The following TMEM132D variants were observed in gnomAD, a reference collection of about 807,000 sequenced individuals.
The protein encoded by TMEM132D is mature OL transmembrane protein.
A neutral mutation model predicts 62.3 loss-of-function variants in TMEM132D; 21 were observed. The observed-to-expected ratio is 0.34, with a 90% CI of 0.24 to 0.49. The LOEUF (loss-of-function observed/expected upper bound fraction) is 0.49, where lower values mean the gene tolerates loss of function less well. TMEM132D is among the 20% of genes least tolerant of loss of function. The pLI, the probability that TMEM132D is intolerant of heterozygous loss-of-function variation, is 0.99. For synonymous variants in TMEM132D, 621 were observed against 575.6 expected (o/e 1.08, Z -1.13); for missense variants, 1,346 against 1,402.8 (o/e 0.96, Z 0.65).
At chr12:129,329,837 G>C (rs557637132) in intron 4 of TMEM132D, among the ~76,000 whole-genome samples, 23 of 152,248 alleles carry the variant, frequency 1.5e-4, no homozygotes, top group African/African-American at 5.3e-4. Flanking sequence ...TGTGCCAGGA[G>C]AATACATCCC....
chr12:129,189,525 G>T (rs1317639915), intron 5 of TMEM132D, among the ~76,000 whole-genome samples: 3 of 152,122 alleles, frequency 2.0e-5, no homozygotes, highest in Non-Finnish European at 4.4e-5. Flanking sequence ...TGTGAGGGCT[G>T]CTGTGGCCTG....
intron 4 of TMEM132D, among the ~76,000 whole-genome samples, chr12:129,306,743 A>G (rs1881854620): frequency 6.6e-6 from 1 of 152,212 alleles, no homozygotes; most frequent in South Asian, 2.1e-4. Context: ...TACAAAGTCA[A>G]TAATATTCAA....
chr12:129,075,233 T>G (rs927097340), intron 8 of TMEM132D, among the ~76,000 whole-genome samples, 174 bp from the exon 9 acceptor site: 1 of 150,776 alleles, frequency 6.6e-6, no homozygotes, highest in Non-Finnish European at 1.5e-5. Flanking sequence ...GAAAATGAAT[T>G]CTCACAAAGA....
intron 3 of TMEM132D, among the ~76,000 whole-genome samples, chr12:129,451,201 G>A (rs1873277705): frequency 6.6e-6 from 1 of 152,100 alleles, no homozygotes. Flanking sequence ...GTGAAGCTTG[G>A]CTAAGGTAAA....
intron 3 of TMEM132D, among the ~76,000 whole-genome samples, chr12:129,475,418 A>G (rs1566081929): frequency 6.6e-6 from 1 of 152,198 alleles, no homozygotes; most frequent in Non-Finnish European, 1.5e-5. Flanking sequence ...CTCCTTCCAC[A>G]AACTGTTTCC....
chr12:129,102,620 G>A (rs1056055654), intron 5 of TMEM132D, among the ~76,000 whole-genome samples: 1 of 152,132 alleles, frequency 6.6e-6, no homozygotes, highest in Non-Finnish European at 1.5e-5. Context: ...ATCTCTAAAT[G>A]GACTGATGTT....
At chr12:129,898,141 A>C in intron 1 of TMEM132D, among the ~76,000 whole-genome samples, 1 of 152,212 alleles carries the variant, frequency 6.6e-6, no homozygotes, top group African/African-American at 2.4e-5. Flanking sequence ...TCAAAACATT[A>C]GCTGGTATTA....
intron 1 of TMEM132D, among the ~76,000 whole-genome samples, chr12:129,862,712 T>C (rs1260996969): frequency 6.6e-6 from 1 of 152,114 alleles, no homozygotes; most frequent in Admixed American, 6.5e-5. Flanking sequence ...CAAGTATAAG[T>C]AGAGAATGAG....
intron 4 of TMEM132D, among the ~76,000 whole-genome samples, chr12:129,323,197 C>T (rs1327819475): frequency 6.6e-6 from 1 of 152,128 alleles, no homozygotes; most frequent in Non-Finnish European, 1.5e-5. Flanking sequence ...ACCCATAAGG[C>T]ATTAAAATGT....
At chr12:129,373,740 G>A (rs563047800) in intron 3 of TMEM132D, among the ~76,000 whole-genome samples, 10 of 152,282 alleles carry the variant, frequency 6.6e-5, no homozygotes, top group Admixed American at 5.2e-4. Context: ...TATGTTCAGT[G>A]GTTCATCTGT....
At chr12:129,702,924 T>C (rs561565448) in intron 1 of TMEM132D, among the ~76,000 whole-genome samples, 1 of 152,352 alleles carries the variant, frequency 6.6e-6, no homozygotes, top group Non-Finnish European at 1.5e-5. Context: ...ATCGGAATCC[T>C]GGATCCTTTT....
intron 1 of TMEM132D, among the ~76,000 whole-genome samples, chr12:129,870,155 G>A (rs926176114): frequency 3.3e-5 from 5 of 152,056 alleles, no homozygotes; most frequent in African/African-American, 1.2e-4. Context: ...GCTAATTTTT[G>A]TATTTTTTGT....
At position 129,684,025 on chromosome 12, in the gene TMEM132D, C is replaced by T. The variant is rs563687652; in HGVS notation, c.968+15785G>A. On this transcript the variant is annotated intron_variant, in intron 2 of 8. Coordinates refer to ENST00000422113, the MANE Select transcript of TMEM132D (RefSeq NM_133448.3). The stretch of plus-strand genomic sequence containing the variant: ...TCAACTCAAGGTTACAAAGTGCGAA[C>T]GTCAATGACTGGATGTGGACATAGC... 2.6e-5 allele frequency among the ~76,000 whole-genome samples: 4 copies of T among 152,292 alleles called. No homozygotes were observed. The South Asian group carries it at 6.2e-4, about 24-fold the overall frequency.
chr12:129,420,304 CTGTT>C (rs1872265995), intron 3 of TMEM132D, among the ~76,000 whole-genome samples: 2 of 69,890 alleles, frequency 2.9e-5, no homozygotes, highest in Admixed American at 1.9e-4. Context: ...TGCACGTTCT[CTGTT>C]TTTTTTTTTT....
intron 3 of TMEM132D, among the ~76,000 whole-genome samples, chr12:129,393,005 G>C (rs11060311): frequency 0.22 from 33,677 of 152,172 alleles, 4,813 homozygotes; most frequent in East Asian, 0.55. Flanking sequence ...CGTTACAGGT[G>C]CAAAGATAGT....
intron 5 of TMEM132D, among the ~76,000 whole-genome samples, chr12:129,141,053 C>T (rs1380571792): frequency 2.0e-5 from 3 of 152,160 alleles, no homozygotes; most frequent in African/African-American, 7.2e-5. Flanking sequence ...GCACTGCACA[C>T]ACTATAGATG....
At chr12:129,637,780 G>A (rs1187934251) in intron 2 of TMEM132D, among the ~76,000 whole-genome samples, 1 of 152,182 alleles carries the variant, frequency 6.6e-6, no homozygotes, top group Non-Finnish European at 1.5e-5. Flanking sequence ...GGTGCAAGGG[G>A]AGCAGGGTCT....
chr12:129,344,834 GC>G (rs1174200675), intron 3 of TMEM132D, among the ~76,000 whole-genome samples: 1 of 151,886 alleles, frequency 6.6e-6, no homozygotes, highest in African/African-American at 2.4e-5. Flanking sequence ...CCGTCTGCTT[GC>G]AAAACATTGG....
At chr12:129,842,097 A>ATTTTTTTTTTTTTT (rs746315309) in intron 1 of TMEM132D, among the ~76,000 whole-genome samples, 10 of 97,448 alleles carry the variant, frequency 1.0e-4, no homozygotes, top group African/African-American at 2.9e-4. Flanking sequence ...CGCCCGGCTA[A>ATTTTTTTTTTTTTT]TTTTTTTTTT....
Sources: allele counts gnomAD v4.1 joint callset (sites outside exome capture counted in the v4.1 genomes callset), GRCh38; gene constraint gnomAD v4.1.1; transcripts MANE v1.5; gene names NCBI Gene and HGNC (gene_info 2026-07-23, HGNC 2026-07-21).